Variants in MED22 observed in about 807,000 individuals in gnomAD.
The protein encoded by MED22 is mediator of RNA polymerase II transcription subunit 22.
Under a neutral mutation model 22.7 loss-of-function variants are expected in MED22, and 22 were observed. The observed-to-expected ratio is 0.97, with a 90% CI of 0.69 to 1.38. The LOEUF is 1.38. MED22 is among the 40% of genes most tolerant of loss of function. The pLI, the probability that MED22 is intolerant of heterozygous loss-of-function variation, is 0.00. For synonymous variants in MED22, 134 were observed against 119.4 expected (o/e 1.12, Z -0.80); for missense variants, 247 against 263.0 (o/e 0.94, Z 0.42).
At chr9:133,342,721 C>T in intron 4 of MED22, 1 of 986,022 alleles carries the variant, frequency 1.0e-6, no homozygotes, top group Non-Finnish European at 1.2e-6. Flanking sequence ...GGACAGGAGG[C>T]CTGCGGGAGG....
chr9:133,342,817 G>A, intron 4 of MED22: 1 of 985,620 alleles, frequency 1.0e-6, no homozygotes, highest in Non-Finnish European at 1.2e-6. Context: ...AGATGTCCTG[G>A]GTTTGCGCCC....
chr9:133,338,591 C>A lies in MED22; in HGVS notation c.*2914G>T, dbSNP rs998781076. The A allele has an allele frequency of 5.2e-6, 1 of 190,958 alleles. No individual in the cohort carries two copies. Among genetic ancestry groups the A allele is most frequent in the Non-Finnish European group, 1.1e-5 (1 of 90,828 alleles). 11.8% of individuals were successfully genotyped at this position (190,958 alleles called of 1,614,324 possible). A position where few individuals can be genotyped will look rare whatever the true frequency, so the allele number is the denominator to read the frequency against. On this transcript the variant is annotated 3_prime_UTR_variant, in exon 5 of 5. Transcript: ENST00000343730. ...AAAGTGCTGGGATTACAGGCGTGAG[C>A]CACCGCGCCCGGCCAATTTCTATAC...
intron 2 of MED22, among the ~76,000 whole-genome samples, chr9:133,345,836 A>G (rs1460783569): frequency 1.3e-5 from 2 of 152,162 alleles, no homozygotes; most frequent in Admixed American, 6.5e-5. Context: ...AGGTACCCTC[A>G]GTGGTTAAGA....
At chr9:133,342,318 A>G in intron 4 of MED22, 1 of 986,022 alleles carries the variant, frequency 1.0e-6, no homozygotes, top group Non-Finnish European at 1.2e-6. Context: ...CCATGCCCGC[A>G]GCTGTGACAA....
Position 133,339,688 on chromosome 9 carries a change from G to A in MED22, c.*1817C>T, listed in dbSNP as rs1358710810. ...CCACTGCCCTCAAAATAAAAAGCTT[G>A]GGATAAAAGAGTTACATGGACTGAG... On this transcript the variant is annotated 3_prime_UTR_variant, in exon 5 of 5. Transcript: ENST00000343730. 3.1e-6 allele frequency: 1 copy of A among 319,096 alleles called. No homozygotes were observed. The highest frequency in any genetic ancestry group is 5.9e-6 in the Non-Finnish European group (1 of 169,020). 19.8% of individuals were successfully genotyped at this position (319,096 alleles called of 1,614,324 possible).
Position 133,341,428 on chromosome 9 carries a change from A to C in MED22, c.*77T>G, listed in dbSNP as rs1263923632. 2.2e-6 allele frequency: 3 copies of C among 1,388,386 alleles called. No individual in the cohort carries two copies. The highest frequency in any genetic ancestry group is 7.2e-5 in the Admixed American group (2 of 27,874). 86.0% of individuals were successfully genotyped at this position (1,388,386 alleles called of 1,614,324 possible). On this transcript the variant is annotated 3_prime_UTR_variant, in exon 5 of 5. Coordinates refer to ENST00000343730, the MANE Select transcript of MED22 (RefSeq NM_133640.5). ...AGTCCCCAAATGGGAACCTAGGCTG[A>C]GAGAAGCAAGGCTGTGAGGGCATCC...
Position 133,340,440 on chromosome 9 carries a change from G to GGTGCTCTCCCACA in MED22, c.*1064_*1065insTGTGGGAGAGCAC, listed in dbSNP as rs1835974548. 1.2e-5 allele frequency: 1 copy of GGTGCTCTCCCACA among 85,498 alleles called. No individual in the cohort carries two copies. The highest frequency in any genetic ancestry group is 2.8e-4 in the East Asian group (1 of 3,526). The allele number at this position is 85,498 out of a possible 1,614,324, so 5.3% of individuals were successfully genotyped here. On this transcript the variant is annotated 3_prime_UTR_variant, in exon 5 of 5. Coordinates refer to ENST00000343730, the MANE Select transcript of MED22 (RefSeq NM_133640.5). ...GATGGTGCTGGAGGAACTGGGGTGG[G>GGTGCTCTCCCACA]GTGCTCCCCCACACTTCCTGTGGAC...
chr9:133,348,091 C>A lies in MED22; in HGVS notation c.-208G>T. ...GGTCCGAAAACCTAGTCAGCCGCCG[C>A]AGCCTCTCGGCCCCGCCTCGATTTT... On this transcript the variant is annotated 5_prime_UTR_variant, in exon 1 of 5. Transcript: ENST00000343730. The A allele has an allele frequency of 1.8e-6, 2 of 1,118,420 alleles. No homozygotes were observed. The highest frequency in any genetic ancestry group is 2.7e-6 in the Non-Finnish European group (2 of 747,100). The allele number at this position is 1,118,420 out of a possible 1,614,324, so 69.3% of individuals were successfully genotyped here.
At chr9:133,341,738 G>A in intron 4 of MED22, 44 bp from the exon 5 acceptor site, 2 of 1,586,508 alleles carry the variant, frequency 1.3e-6, no homozygotes, top group Non-Finnish European at 1.7e-6. Context: ...GGAGCAGGCA[G>A]AGAGGAAAGC....
Position 133,344,210 on chromosome 9 carries a change from C to T in MED22, c.328G>A (p.Glu110Lys). 1 of 1,614,226 alleles carries T rather than the reference C, an allele frequency of 6.2e-7. No homozygotes were observed. Among genetic ancestry groups the T allele is most frequent in the African/African-American group, 1.3e-5 (1 of 75,060 alleles). Residue 110 changes from glutamate (E) to lysine (K), a missense_variant, in exon 4 of 5, where the codon GAG becomes AAG. By Grantham distance (56) the Glu-to-Lys change is moderately conservative. Coordinates refer to ENST00000343730, the MANE Select transcript of MED22 (RefSeq NM_133640.5). ...QRNQQLRTLQ[E>K]ECDRKLITLR... ...GTGATGAGCTTCCGGTCGCACTCCT[C>T]CTGCAGTGTGCGCAGCTGCTGGTTG...
At chr9:133,343,523 C>A in intron 4 of MED22, 2 of 1,237,076 alleles carry the variant, frequency 1.6e-6, no homozygotes, top group Non-Finnish European at 2.0e-6. Context: ...GGGCCTGGCA[C>A]GTAGGTTGGC....
rs1259159351 is a variant in MED22, at chr9:133,338,685, GC to G, written c.*2819del. 7.8e-6 allele frequency: 2 copies of G among 255,014 alleles called. No individual in the cohort carries two copies. The highest frequency in any genetic ancestry group is 1.6e-5 in the Non-Finnish European group (2 of 127,606). The allele number at this position is 255,014 out of a possible 1,614,324, so 15.8% of individuals were successfully genotyped here. On this transcript the variant is annotated 3_prime_UTR_variant, in exon 5 of 5. Coordinates refer to ENST00000343730, the MANE Select transcript of MED22 (RefSeq NM_133640.5). ...TGGAAATCCCGACCTCAGGTGATCC[GC>G]CCGCCTTGGCCTCCCAAAGTGCTGG...
intron 3 of MED22, among the ~76,000 whole-genome samples, chr9:133,344,749 C>T (rs2129962686): frequency 1.3e-5 from 2 of 152,176 alleles, no homozygotes; most frequent in Non-Finnish European, 2.9e-5. Flanking sequence ...TGGACGTGCA[C>T]CTGCGGAATT....
At chr9:133,343,141 C>G in intron 4 of MED22, 2 of 1,038,232 alleles carry the variant, frequency 1.9e-6, no homozygotes, top group Non-Finnish European at 2.3e-6. Context: ...AGCAGTGCCA[C>G]TGAGCCCAGG....
chr9:133,341,571 G>A lies in MED22; in HGVS notation c.537C>T (p.Gly179=). Reference sequence around the variant, plus strand: ...GGGCAGGGGCTGCCACCTGTAGGGGGCCAGCACTGGGCTCCGGGGACGCCA... The same window carrying A: ...GGGCAGGGGCTGCCACCTGTAGGGGACCAGCACTGGGCTCCGGGGACGCCA... The part of the protein sequence containing the change: ...PLLASPEPSA[G]PLQVAAPAHS... Residue 179 remains glycine (G), a synonymous_variant, in exon 5 of 5, where the codon GGC becomes GGT. Coordinates refer to ENST00000343730, the MANE Select transcript of MED22 (RefSeq NM_133640.5). 6.4e-7 allele frequency: 1 copy of A among 1,572,176 alleles called. No individual in the cohort carries two copies. Among genetic ancestry groups the A allele is most frequent in the Non-Finnish European group, 8.6e-7 (1 of 1,164,596 alleles).
rs2129966230 is a variant in MED22, at chr9:133,345,788, C to T, written c.124-536G>A. ...CCAAGCGAGGCTGGATGGGGCTTCC[C>T]GGCAGGCCTTGCAAAGGCTCAGTTC... On this transcript the variant is annotated intron_variant, in intron 2 of 4. Coordinates refer to ENST00000343730, the MANE Select transcript of MED22 (RefSeq NM_133640.5). 2.2e-3 allele frequency among the ~76,000 whole-genome samples: 337 copies of T among 152,318 alleles called. 2 individuals carry two copies. Among genetic ancestry groups the T allele is most frequent in the African/African-American group, 7.9e-3 (330 of 41,562 alleles).
At chr9:133,345,401 G>C in intron 2 of MED22, 149 bp from the exon 3 acceptor site, 2 of 743,546 alleles carry the variant, frequency 2.7e-6, no homozygotes, top group Non-Finnish European at 4.6e-6. Context: ...AGACCTAAGC[G>C]CTGTCAGCCA....
chr9:133,342,054 C>T (rs1836021055), intron 4 of MED22: 12 of 1,100,792 alleles, frequency 1.1e-5, no homozygotes, highest in East Asian at 1.9e-4. Flanking sequence ...AGCCTGGCCA[C>T]CCTCCCTCCT....
At position 133,346,557 on chromosome 9, in the gene MED22, T is replaced by A. The variant is rs944498710; in HGVS notation, c.106A>T (p.Ile36Phe). The change falls in exon 2 of 5, where the codon ATC becomes TTC. Residue 36 changes from isoleucine (I) to phenylalanine (F), a missense_variant. Transcript: ENST00000343730. The stretch of plus-strand genomic sequence containing the variant: ...ACCCCCACCTTGGCGGTCTTGATGA[T>A]CTCGGTGAAGTTGTCCATGATGGAC... ...IKSIMDNFTE[I>F]IKTAKIEDET... 2.5e-6 allele frequency: 4 copies of A among 1,612,678 alleles called. No individual in the cohort carries two copies. Among genetic ancestry groups the A allele is most frequent in the Non-Finnish European group, 3.4e-6 (4 of 1,179,976 alleles).
Sources: gnomAD v4.1 joint callset for allele counts (sites outside exome capture counted in the v4.1 genomes callset) on GRCh38, gnomAD v4.1.1 for gene constraint, MANE v1.5 for transcripts, NCBI Gene and HGNC (gene_info 2026-07-23, HGNC 2026-07-21) for gene names.